Variants in KCNIP3 observed in about 807,000 individuals in gnomAD.
KCNIP3 encodes the protein potassium voltage-gated channel interacting protein 3, also known as calsenilin.
A neutral mutation model predicts 35.0 loss-of-function variants in KCNIP3; 28 were observed. That is an observed-to-expected ratio of 0.80 (90% CI 0.59 to 1.10). The LOEUF is 1.10. KCNIP3 is among the 50% of genes least tolerant of loss of function. The pLI, the probability that KCNIP3 is intolerant of heterozygous loss-of-function variation, is 0.00. For synonymous variants in KCNIP3, 134 were observed against 133.8 expected, an observed-to-expected ratio of 1.00 and a Z score of -0.01; for missense variants, 295 against 338.4, an observed-to-expected ratio of 0.87 and a Z score of 1.01.
rs550984630 is a variant in KCNIP3 at position 95,353,787 on chromosome 2, C to T, written c.182-20509C>T. On this transcript the variant is annotated intron_variant, in intron 2 of 8. Transcript: ENST00000295225. Reference sequence around the variant, plus strand: ...GTGGCATGAGGCTCGGCTTTGGCTGCGGCTTCTCTTAGCTCGGCTCAGATT... The same window carrying T: ...GTGGCATGAGGCTCGGCTTTGGCTGTGGCTTCTCTTAGCTCGGCTCAGATT... Among the ~76,000 whole-genome samples, 7 of 152,152 alleles carry T rather than the reference C, an allele frequency of 4.6e-5. 1 individual carries two copies. In the South Asian group the frequency reaches 6.2e-4, roughly 14 times the overall value.
intron 5 of KCNIP3, among the ~76,000 whole-genome samples, chr2:95,375,907 A>G (rs529062262): frequency 2.0e-5 from 3 of 152,208 alleles, no homozygotes; most frequent in Non-Finnish European, 4.4e-5. Flanking sequence ...CGATACCCCG[A>G]CAGCTTGGCT....
chr2:95,326,001 T>A (rs1241955916), intron 2 of KCNIP3, among the ~76,000 whole-genome samples: 3 of 133,542 alleles, frequency 2.2e-5, no homozygotes, highest in Non-Finnish European at 4.9e-5. Flanking sequence ...TCACACACAC[T>A]CAGACACACA....
At chr2:95,309,224 C>T (rs748175047) in intron 1 of KCNIP3, among the ~76,000 whole-genome samples, 9 of 152,150 alleles carry the variant, frequency 5.9e-5, no homozygotes, top group African/African-American at 1.7e-4. Context: ...GTGTGGCCAG[C>T]GGCAGCCTGC....
chr2:95,368,591 G>A (rs1176079547), intron 2 of KCNIP3: 1 of 379,598 alleles, frequency 2.6e-6, no homozygotes, highest in Non-Finnish European at 5.2e-6. Context: ...TACAAAATTT[G>A]TGTCTTTGCC....
intron 2 of KCNIP3, chr2:95,313,940 C>CA (rs1184050575): frequency 1.3e-5 from 2 of 152,224 alleles, no homozygotes; most frequent in Admixed American, 6.6e-5. Flanking sequence ...CACATACACA[C>CA]ACACACACAT....
At chr2:95,362,334 G>A (rs1247619547) in intron 2 of KCNIP3, among the ~76,000 whole-genome samples, 1 of 152,044 alleles carries the variant, frequency 6.6e-6, no homozygotes, top group Admixed American at 6.6e-5. Context: ...TCGAACTCCC[G>A]ACCTCAGGTG....
intron 7 of KCNIP3, 107 bp from the exon 8 acceptor site, chr2:95,383,125 C>CACCCCCCCCCCCCAA: frequency 3.0e-6 from 1 of 332,574 alleles, no homozygotes; most frequent in Non-Finnish European, 6.0e-6. Context: ...ACCCGCCCAT[C>CACCCCCCCCCCCCAA]CACCCACCCG....
rs1680220880 is a variant in KCNIP3 at position 95,377,107 on chromosome 2, C to T, written c.447+1899C>T. ...ATCCCCACGGACCTTCTGGGATTTG[C>T]CAGCAGCAGGGAGCCCCAGGTGAGC... On this transcript the variant is annotated intron_variant, in intron 5 of 8. Coordinates refer to ENST00000295225, the MANE Select transcript of KCNIP3 (RefSeq NM_013434.5). The surrounding 1 kb of genome is among the most constrained non-coding windows in gnomAD (Gnocchi z 4.7). Among the ~76,000 whole-genome samples, 1 of 152,330 alleles carries T rather than the reference C, an allele frequency of 6.6e-6. No individual in the cohort carries two copies. The highest frequency in any genetic ancestry group is 6.5e-5 in the Admixed American group (1 of 15,302).
intron 2 of KCNIP3, among the ~76,000 whole-genome samples, chr2:95,367,111 A>G (rs1485607968): frequency 1.3e-5 from 2 of 151,948 alleles, no homozygotes; most frequent in African/African-American, 4.8e-5. Flanking sequence ...TGTCTCTACT[A>G]AAAATACAAA....
chr2:95,368,800 C>G (rs1679977259), intron 2 of KCNIP3: 1 of 235,780 alleles, frequency 4.2e-6, no homozygotes. Context: ...AGTGGCAAAG[C>G]CTACACCTTT....
intron 8 of KCNIP3, 88 bp downstream of exon 8, chr2:95,383,382 C>T: frequency 7.7e-7 from 1 of 1,294,432 alleles, no homozygotes; most frequent in Non-Finnish European, 1.1e-6. Context: ...TCCCTCACCC[C>T]AGTCCCACCC....
At chr2:95,352,593 A>G (rs1167815302) in intron 2 of KCNIP3, among the ~76,000 whole-genome samples, 2 of 147,514 alleles carry the variant, frequency 1.4e-5, no homozygotes, top group Admixed American at 6.7e-5. Flanking sequence ...CTCCCTCCCT[A>G]CCTCTCGAAG....
In KCNIP3 at chr2:95,377,194, T is replaced by G. The variant is rs1466422954; in HGVS notation, c.447+1986T>G. Among the ~76,000 whole-genome samples, 13 of 152,250 alleles carry G rather than the reference T, an allele frequency of 8.5e-5. No individual in the cohort carries two copies. The highest frequency in any genetic ancestry group is 8.5e-4 in the Admixed American group (13 of 15,290). On this transcript the variant is annotated intron_variant, in intron 5 of 8. Coordinates refer to ENST00000295225, the MANE Select transcript of KCNIP3 (RefSeq NM_013434.5). This position sits in a 1 kb window ranked among gnomAD's most constrained non-coding sequence, Gnocchi z 4.7. Reference sequence around the variant, plus strand: ...CAGGGCCTTTCTCGTGCAACTCATCTGGCTTGCCAGGACGTGCAGAGCTTC... The same window carrying G: ...CAGGGCCTTTCTCGTGCAACTCATCGGGCTTGCCAGGACGTGCAGAGCTTC...
chr2:95,313,972 TAC>T (rs561510914), intron 2 of KCNIP3: 2 of 149,906 alleles, frequency 1.3e-5, no homozygotes, highest in East Asian at 2.0e-4. Context: ...CACACACACA[TAC>T]ACACACACAT....
Position 95,325,925 on chromosome 2 carries a change from TCATACA to T in KCNIP3, c.181+15420_181+15425del, listed in dbSNP as rs371533156. On this transcript the variant is annotated intron_variant, in intron 2 of 8. Transcript: ENST00000295225. ...CACATTCACTCATACACATACACAC[TCATACA>T]CATACACATACACACTCACACATAC... Among the ~76,000 whole-genome samples, 1,007 of 133,386 alleles carry T rather than the reference TCATACA, an allele frequency of 7.5e-3. 7 individuals are homozygous for T. The highest frequency in any genetic ancestry group is 0.021 in the Middle Eastern group (4 of 192). The allele number at this position is 133,386 out of a possible 152,430, so 87.5% of individuals were successfully genotyped here. A position where few individuals can be genotyped will look rare whatever the true frequency, so the allele number is the denominator to read the frequency against.
rs1553447678 is a variant in KCNIP3 at position 95,378,897 on chromosome 2, C to CACAT, written c.448-2698_448-2697insCATA. ...ACACACATATATATACACACACACA[C>CACAT]ATATATATATATATATTCATTGTCT... On this transcript the variant is annotated intron_variant, in intron 5 of 8. Transcript: ENST00000295225. This position sits in a 1 kb window ranked among gnomAD's most constrained non-coding sequence, Gnocchi z 4.0. 1.0e-4 allele frequency among the ~76,000 whole-genome samples: 15 copies of CACAT among 149,170 alleles called. No individual in the cohort carries two copies. Among genetic ancestry groups the CACAT allele is most frequent in the Admixed American group, 4.7e-4 (7 of 14,912 alleles).
intron 2 of KCNIP3, among the ~76,000 whole-genome samples, chr2:95,330,914 G>T (rs548775682): frequency 3.9e-5 from 6 of 152,342 alleles, no homozygotes; most frequent in Admixed American, 1.3e-4. Context: ...ATATTGCAAG[G>T]GAATAGGGCT....
At chr2:95,356,340 C>T (rs1035415942) in intron 2 of KCNIP3, among the ~76,000 whole-genome samples, 1 of 152,150 alleles carries the variant, frequency 6.6e-6, no homozygotes, top group Non-Finnish European at 1.5e-5. Flanking sequence ...CGTGCAGAAG[C>T]TCTTTAGTTT....
intron 2 of KCNIP3, chr2:95,313,752 A>C (rs1354480144): frequency 2.6e-5 from 4 of 152,202 alleles, no homozygotes; most frequent in South Asian, 4.1e-4. Context: ...TCCAGGCCTC[A>C]GGAAGTTCAC....
Sources: allele counts gnomAD v4.1 joint callset (sites outside exome capture counted in the v4.1 genomes callset), GRCh38; gene constraint gnomAD v4.1.1; non-coding constraint Gnocchi (gnomAD v3.1); transcripts MANE v1.5; gene names NCBI Gene and HGNC (gene_info 2026-07-23, HGNC 2026-07-21).